The following PEX14 variants were observed in gnomAD, a reference collection of about 807,000 sequenced individuals.
PEX14 encodes the protein peroxisomal biogenesis factor 14.
PEX14 carries 15 observed loss-of-function variants against 49.5 expected under a neutral mutation model. The ratio of observed to expected loss-of-function variants is 0.30; its 90% confidence interval spans 0.20 to 0.47. The LOEUF (loss-of-function observed/expected upper bound fraction) is 0.47, where lower values mean the gene tolerates loss of function less well. PEX14 is among the 20% of genes least tolerant of loss of function. The pLI is 1.00. For synonymous variants in PEX14, 210 were observed against 212.7 expected (o/e 0.99, Z 0.11); for missense variants, 398 against 494.8 (o/e 0.80, Z 1.86).
chr1:10,578,299 G>A lies in PEX14; in HGVS notation c.170-20939G>A, dbSNP rs1570297572. 3.3e-5 allele frequency among the ~76,000 whole-genome samples: 5 copies of A among 152,202 alleles called. No individual in the cohort carries two copies. In the South Asian group the frequency reaches 1.0e-3, roughly 32 times the overall value. ...AGTCTTGTCAAGTTAGAGGCGATTC[G>A]ATAAACACCTTGGACTTTGCTTTGA... On this transcript the variant is annotated intron_variant, in intron 3 of 8. Transcript: ENST00000356607.
At chr1:10,537,259 C>T (rs890980325) in intron 3 of PEX14, among the ~76,000 whole-genome samples, 4 of 147,194 alleles carry the variant, frequency 2.7e-5, no homozygotes, top group Non-Finnish European at 6.0e-5. Context: ...GCAGCTGCTT[C>T]GCGGCAGCCC....
chr1:10,518,379 AG>A (rs1305518801), intron 2 of PEX14, among the ~76,000 whole-genome samples: 7 of 152,186 alleles, frequency 4.6e-5, no homozygotes, highest in African/African-American at 7.2e-5. Context: ...ACCCGATGCC[AG>A]GGGGAACCTC....
At position 10,630,032 on chromosome 1, in the gene PEX14, C is replaced by T. The variant is rs758028849; in HGVS notation, c.*45C>T. On this transcript the variant is annotated 3_prime_UTR_variant, in exon 9 of 9. Coordinates refer to ENST00000356607, the MANE Select transcript of PEX14 (RefSeq NM_004565.3). The surrounding 1 kb of genome is among the most constrained non-coding windows in gnomAD (Gnocchi z 4.1). ...AGCCCTGAGGATGGCATCTAGTGTG[C>T]CCGTGCGTGGCCATACCCTGCCTCC... is the stretch of plus-strand genomic sequence containing the variant. 2.5e-6 allele frequency: 4 copies of T among 1,599,838 alleles called. No homozygotes were observed. The highest frequency in any genetic ancestry group is 1.7e-5 in the Admixed American group (1 of 59,684).
Position 10,610,398 on chromosome 1 carries a change from C to CACACACACACAT in PEX14, c.299-7933_299-7932insCACACACACATA, listed in dbSNP as rs70997260. On this transcript the variant is annotated intron_variant, in intron 4 of 8. Coordinates refer to ENST00000356607, the MANE Select transcript of PEX14 (RefSeq NM_004565.3). ...ACACACACACACACACACACACACA[C>CACACACACACAT]ATATATATATACACAGAGAGAGAGA... is the stretch of plus-strand genomic sequence containing the variant. Among the ~76,000 whole-genome samples, 4 of 140,702 alleles carry CACACACACACAT rather than the reference C, an allele frequency of 2.8e-5. No homozygotes were observed. In the East Asian group the frequency reaches 8.1e-4, roughly 29 times the overall value. The allele number at this position is 140,702 out of a possible 152,430, so 92.3% of individuals were successfully genotyped here. A position where few individuals can be genotyped will look rare whatever the true frequency, so the allele number is the denominator to read the frequency against.
In PEX14 at chr1:10,529,076, C is replaced by G. The variant is rs1557828919; in HGVS notation, c.85-7137C>G. Among the ~76,000 whole-genome samples the G allele has an allele frequency of 6.6e-6, 1 of 152,184 alleles. No individual in the cohort carries two copies. Among genetic ancestry groups the G allele is most frequent in the Non-Finnish European group, 1.5e-5 (1 of 68,016 alleles). ...TGGGTAACTGCTTTGTTGGTTGCAT[C>G]AAAAATTAGAGGGGCTGCTATCTAA... On this transcript the variant is annotated intron_variant, in intron 2 of 8. Coordinates refer to ENST00000356607, the MANE Select transcript of PEX14 (RefSeq NM_004565.3). This position sits in a 1 kb window ranked among gnomAD's most constrained non-coding sequence, Gnocchi z 4.2.
intron 3 of PEX14, among the ~76,000 whole-genome samples, chr1:10,594,764 G>A (rs1019478065): frequency 1.3e-5 from 2 of 152,164 alleles, no homozygotes; most frequent in South Asian, 4.1e-4. Context: ...AGAAAAGACA[G>A]CCCTTCCGGG....
chr1:10,622,287 G>A (rs914492228), intron 5 of PEX14, among the ~76,000 whole-genome samples: 3 of 152,124 alleles, frequency 2.0e-5, no homozygotes, highest in African/African-American at 7.2e-5. Context: ...AGTTTCTTCT[G>A]GTCCTGCGCC....
At chr1:10,545,241 G>A (rs1639134385) in intron 3 of PEX14, among the ~76,000 whole-genome samples, 1 of 152,066 alleles carries the variant, frequency 6.6e-6, no homozygotes, top group African/African-American at 2.4e-5. Flanking sequence ...ACTACCTGTT[G>A]ATGGACATTT....
rs377298401 is a variant in PEX14 at position 10,491,239 on chromosome 1, AAAAAT to A, written c.37-4030_37-4026del. Among the ~76,000 whole-genome samples, 71 of 152,212 alleles carry A rather than the reference AAAAAT, an allele frequency of 4.7e-4. No homozygotes were observed. In the East Asian group the frequency reaches 0.012, roughly 26 times the overall value. On this transcript the variant is annotated intron_variant, in intron 1 of 8. Coordinates refer to ENST00000356607, the MANE Select transcript of PEX14 (RefSeq NM_004565.3). ...TGTTCACAGGGTAGGCCATGATTAA[AAAAAT>A]AAAAAAAAGGCCAGGTGTGGTGGCT...
Position 10,613,171 on chromosome 1 carries a change from G to A in PEX14, c.299-5161G>A, listed in dbSNP as rs1641319807. Among the ~76,000 whole-genome samples, 1 of 152,218 alleles carries A rather than the reference G, an allele frequency of 6.6e-6. No homozygotes were observed. Among genetic ancestry groups the A allele is most frequent in the Admixed American group, 6.5e-5 (1 of 15,284 alleles). On this transcript the variant is annotated intron_variant, in intron 4 of 8. Coordinates refer to ENST00000356607, the MANE Select transcript of PEX14 (RefSeq NM_004565.3). This position sits in a 1 kb window ranked among gnomAD's most constrained non-coding sequence, Gnocchi z 5.0. Reference sequence around the variant, plus strand: ...CAGGCTCAACATTGCCGTGTTGTATGCACAAGTCCTAGTCCTGTGCATGTG... The same window carrying A: ...CAGGCTCAACATTGCCGTGTTGTATACACAAGTCCTAGTCCTGTGCATGTG...
chr1:10,534,132 A>G (rs1038405960), intron 2 of PEX14, among the ~76,000 whole-genome samples: 1 of 152,166 alleles, frequency 6.6e-6, no homozygotes, highest in Non-Finnish European at 1.5e-5. Context: ...GTTCATCCAC[A>G]TTTCCGCTGA....
chr1:10,513,464 C>G (rs1222684271), intron 2 of PEX14, among the ~76,000 whole-genome samples: 1 of 152,132 alleles, frequency 6.6e-6, no homozygotes, highest in Non-Finnish European at 1.5e-5. Flanking sequence ...AAGTTTCTGG[C>G]CGTTTTAATT....
Position 10,483,026 on chromosome 1 carries a change from T to TATC in PEX14, c.36+8027_36+8029dup, listed in dbSNP as rs563092360. Reference sequence around the variant, plus strand: ...GTAAGTGACGTTGTGTCTATCTGTGTATCATATCTGGAGGAACGAGTCCCA... The same window carrying TATC: ...GTAAGTGACGTTGTGTCTATCTGTGTATCATCATATCTGGAGGAACGAGTCCCA... On this transcript the variant is annotated intron_variant, in intron 1 of 8. Transcript: ENST00000356607. Among the ~76,000 whole-genome samples the TATC allele has an allele frequency of 1.7e-3, 255 of 152,382 alleles. 2 individuals are homozygous for TATC. The highest frequency in any genetic ancestry group is 6.7e-3 in the Admixed American group (102 of 15,304).
chr1:10,584,952 C>T (rs1051410387), intron 3 of PEX14, among the ~76,000 whole-genome samples: 3 of 152,066 alleles, frequency 2.0e-5, no homozygotes, highest in African/African-American at 4.8e-5. Flanking sequence ...AAATGCATGC[C>T]AGTACACAAA....
chr1:10,536,016 C>G (rs1289508906), intron 2 of PEX14, 197 bp from the exon 3 acceptor site: 1 of 585,814 alleles, frequency 1.7e-6, no homozygotes, highest in Non-Finnish European at 3.1e-6. Context: ...GACTCAGATA[C>G]AGGAAGCCAG....
At chr1:10,543,254 C>T (rs1207263144) in intron 3 of PEX14, among the ~76,000 whole-genome samples, 2 of 152,238 alleles carry the variant, frequency 1.3e-5, no homozygotes, top group Non-Finnish European at 2.9e-5. Context: ...TCTGCCTCAG[C>T]CTCCCGAGTA....
chr1:10,514,810 A>G lies in PEX14; in HGVS notation c.84+19489A>G, dbSNP rs1186281544. On this transcript the variant is annotated intron_variant, in intron 2 of 8. Transcript: ENST00000356607. This position sits in a 1 kb window ranked among gnomAD's most constrained non-coding sequence, Gnocchi z 4.4. Reference sequence around the variant, plus strand: ...GCTTCTGGCATTTTTATTGTTCTTGAAAATTGTGTACTGATTGCGATCTGT... The same window carrying G: ...GCTTCTGGCATTTTTATTGTTCTTGGAAATTGTGTACTGATTGCGATCTGT... Among the ~76,000 whole-genome samples, 1 of 152,200 alleles carries G rather than the reference A, an allele frequency of 6.6e-6. No homozygotes were observed. The highest frequency in any genetic ancestry group is 1.5e-5 in the Non-Finnish European group (1 of 68,040).
chr1:10,519,076 AG>A (rs1642021995), intron 2 of PEX14, among the ~76,000 whole-genome samples: 1 of 152,284 alleles, frequency 6.6e-6, no homozygotes, highest in Middle Eastern at 3.4e-3. Context: ...GTTGTCCAAC[AG>A]GGGGTGAATG....
chr1:10,526,251 G>A (rs1445124510), intron 2 of PEX14, among the ~76,000 whole-genome samples: 8 of 138,968 alleles, frequency 5.8e-5, no homozygotes, highest in East Asian at 2.1e-4. Flanking sequence ...AGACAGAGTC[G>A]TGCTCTGTTG....
Sources: allele counts gnomAD v4.1 joint callset (sites outside exome capture counted in the v4.1 genomes callset), GRCh38; gene constraint gnomAD v4.1.1; non-coding constraint Gnocchi (gnomAD v3.1); transcripts MANE v1.5; gene names NCBI Gene and HGNC (gene_info 2026-07-23, HGNC 2026-07-21).